NAALADL2: variants seen among roughly 807,000 people sequenced by gnomAD.
The protein encoded by NAALADL2 is N-acetylated alpha-linked acidic dipeptidase like 2, also known as inactive N-acetylated-alpha-linked acidic dipeptidase-like protein 2.
In NAALADL2, 76 loss-of-function variants were observed where a neutral mutation model predicts 87.2. The ratio of observed to expected loss-of-function variants is 0.87; its 90% CI spans 0.72 to 1.05. The LOEUF (loss-of-function observed/expected upper bound fraction) is 1.05, where lower values mean the gene tolerates loss of function less well. Among genes scored for constraint, NAALADL2 ranks in the 50% least tolerant of loss-of-function variants. NAALADL2 has a pLI of 0.00. For missense variants in NAALADL2, 1,089 were observed against 945.8 expected (o/e 1.15, Z -1.99); for synonymous variants, 354 against 331.0 (o/e 1.07, Z -0.75).
intron 4 of NAALADL2, among the ~76,000 whole-genome samples, chr3:175,322,845 C>T (rs1760093837): frequency 6.7e-6 from 1 of 149,076 alleles, no homozygotes; most frequent in African/African-American, 2.5e-5. Flanking sequence ...ACAACAGGTG[C>T]TGGAGAGGAT....
At chr3:175,559,023 A>C (rs1029725486) in intron 9 of NAALADL2, among the ~76,000 whole-genome samples, 3 of 152,096 alleles carry the variant, frequency 2.0e-5, no homozygotes, top group African/African-American at 7.2e-5. Context: ...GGTAGTACGG[A>C]CATTTTAACA....
intron 1 of NAALADL2, among the ~76,000 whole-genome samples, chr3:175,088,044 T>C (rs1430988501): frequency 6.6e-6 from 1 of 152,150 alleles, no homozygotes; most frequent in Non-Finnish European, 1.5e-5. Flanking sequence ...TAGGAAAATA[T>C]AATAATTCAC....
chr3:175,310,437 T>C (rs528582353), intron 4 of NAALADL2, among the ~76,000 whole-genome samples: 19 of 152,130 alleles, frequency 1.2e-4, no homozygotes, highest in Non-Finnish European at 2.4e-4. Flanking sequence ...CTTATACACA[T>C]TGACGTATCA....
chr3:174,864,383 A>G (rs1351405497), intron 1 of NAALADL2, among the ~76,000 whole-genome samples: 1 of 152,128 alleles, frequency 6.6e-6, no homozygotes, highest in Non-Finnish European at 1.5e-5. Context: ...GTACTTAGTT[A>G]AAACCTGCTG....
At chr3:174,481,608 C>G (rs764140451) in intron 1 of NAALADL2, among the ~76,000 whole-genome samples, 2 of 152,010 alleles carry the variant, frequency 1.3e-5, no homozygotes, top group African/African-American at 2.4e-5. Flanking sequence ...GTTTTGATGA[C>G]TTGCTAGGAG....
chr3:174,463,016 G>C lies in NAALADL2; in HGVS notation c.-184+21984G>C, dbSNP rs1716303114. Among the ~76,000 whole-genome samples, 5 of 152,192 alleles carry C rather than the reference G, an allele frequency of 3.3e-5. No homozygotes were observed. The South Asian group carries it at 6.2e-4, about 19-fold the overall frequency. ...GAACATGCAGAGTTTAAAAGTAAAAGTAATTGCATAGCCTCTGATAACCAG... is the reference window on the plus strand; with the variant it reads ...GAACATGCAGAGTTTAAAAGTAAAACTAATTGCATAGCCTCTGATAACCAG... On this transcript the variant is annotated intron_variant, in intron 1 of 3. Coordinates refer to the NAALADL2 transcript ENST00000434257.
At chr3:175,603,439 T>C (rs1276123946) in intron 10 of NAALADL2, among the ~76,000 whole-genome samples, 1 of 152,208 alleles carries the variant, frequency 6.6e-6, no homozygotes, top group East Asian at 1.9e-4. Context: ...CTTGCAAAAC[T>C]GAAATTCTAT....
Position 174,787,602 on chromosome 3 carries a change from T to C in NAALADL2, c.-9+49856T>C, listed in dbSNP as rs184099410. Among the ~76,000 whole-genome samples, 247 of 73,232 alleles carry C rather than the reference T, an allele frequency of 3.4e-3. 1 individual carries two copies. The highest frequency in any genetic ancestry group is 0.015 in the Middle Eastern group (2 of 136). 48.0% of individuals were successfully genotyped at this position (73,232 alleles called of 152,430 possible). A position where few individuals can be genotyped will look rare whatever the true frequency, so the allele number is the denominator to read the frequency against. On this transcript the variant is annotated intron_variant, in intron 3 of 3. Coordinates refer to the NAALADL2 transcript ENST00000434257. ...ATATATATATATATATATATATATA[T>C]ATATATATATATATATATAGTAGTG...
intron 9 of NAALADL2, among the ~76,000 whole-genome samples, chr3:175,516,451 A>G (rs1324774556): frequency 6.6e-6 from 1 of 152,226 alleles, no homozygotes; most frequent in African/African-American, 2.4e-5. Context: ...ACTTCGTGAT[A>G]CCAGTGTGAT....
At chr3:175,111,515 G>A (rs1398482311) in intron 2 of NAALADL2, among the ~76,000 whole-genome samples, 1 of 151,706 alleles carries the variant, frequency 6.6e-6, no homozygotes, top group Non-Finnish European at 1.5e-5. Context: ...AGCTACAATG[G>A]TAACCTAGAT....
chr3:175,058,337 A>G (rs959532420), intron 1 of NAALADL2, among the ~76,000 whole-genome samples: 5 of 152,180 alleles, frequency 3.3e-5, no homozygotes, highest in Non-Finnish European at 1.5e-5. Context: ...CATTTAATTT[A>G]TTAATTTGTC....
At chr3:175,280,628 C>T (rs1386847925) in intron 4 of NAALADL2, among the ~76,000 whole-genome samples, 1 of 152,018 alleles carries the variant, frequency 6.6e-6, no homozygotes, top group Admixed American at 6.6e-5. Context: ...CGGAATCTTC[C>T]TATGAGATGG....
At chr3:174,842,831 G>T (rs549839404) in intron 3 of NAALADL2, among the ~76,000 whole-genome samples, 7 of 152,034 alleles carry the variant, frequency 4.6e-5, no homozygotes, top group East Asian at 1.9e-4. Flanking sequence ...AATTCATATA[G>T]CTCCTTGGCT....
chr3:174,949,508 T>TA (rs1389080697), intron 1 of NAALADL2, among the ~76,000 whole-genome samples: 3 of 150,394 alleles, frequency 2.0e-5, no homozygotes, highest in Admixed American at 6.6e-5. Context: ...TATATTGGTG[T>TA]AAAAAAAACA....
In NAALADL2 at chr3:174,926,508, C is replaced by T. The variant is rs187156063; in HGVS notation, c.43+67058C>T. Among the ~76,000 whole-genome samples, 266 of 152,140 alleles carry T rather than the reference C, an allele frequency of 1.7e-3. 2 individuals carry two copies. Among genetic ancestry groups the T allele is most frequent in the African/African-American group, 6.1e-3 (255 of 41,506 alleles). On this transcript the variant is annotated intron_variant, in intron 1 of 13. Coordinates refer to ENST00000454872, the MANE Select transcript of NAALADL2 (RefSeq NM_207015.3). ...CCCATCAGACTAACAGTAGATCTCT[C>T]GGTAGAAACTCTACAAGCCAGAAGA...
At chr3:175,588,021 T>A (rs1368600614) in intron 10 of NAALADL2, among the ~76,000 whole-genome samples, 4 of 151,708 alleles carry the variant, frequency 2.6e-5, no homozygotes, top group African/African-American at 9.7e-5. Context: ...AACTAGAACT[T>A]GATCAAAAGG....
At chr3:174,555,398 C>T (rs1384796159) in intron 2 of NAALADL2, among the ~76,000 whole-genome samples, 1 of 152,172 alleles carries the variant, frequency 6.6e-6, no homozygotes, top group East Asian at 1.9e-4. Context: ...CTCCTGGATT[C>T]AAGCGATTCT....
intron 1 of NAALADL2, among the ~76,000 whole-genome samples, chr3:174,950,003 A>G (rs900282661): frequency 3.3e-5 from 5 of 152,200 alleles, no homozygotes; most frequent in African/African-American, 1.2e-4. Context: ...AACTACAGCC[A>G]GCAGATCAAA....
intron 10 of NAALADL2, among the ~76,000 whole-genome samples, chr3:175,597,963 C>T (rs980049250): frequency 5.9e-5 from 9 of 151,952 alleles, no homozygotes; most frequent in African/African-American, 9.7e-5. Context: ...TCTATTCTCT[C>T]CCTACATGTG....
Sources: allele counts gnomAD v4.1 joint callset (sites outside exome capture counted in the v4.1 genomes callset), GRCh38; gene constraint gnomAD v4.1.1; transcripts MANE v1.5; gene names NCBI Gene and HGNC (gene_info 2026-07-23, HGNC 2026-07-21).